The following TYW1 variants were observed in gnomAD, a reference collection of about 807,000 sequenced individuals.
The protein encoded by TYW1 is tRNA-yW synthesizing protein 1 homolog, also known as S-adenosyl-L-methionine-dependent tRNA 4-demethylwyosine synthase TYW1.
A neutral mutation model predicts 96.2 loss-of-function variants in TYW1; 46 were observed. The observed-to-expected ratio is 0.48, with a 90% CI of 0.38 to 0.61. TYW1 has a LOEUF of 0.61. Among genes scored for constraint, TYW1 ranks in the 20% least tolerant of loss-of-function variants. TYW1 has a pLI of 0.00. For missense variants in TYW1, 684 were observed against 909.6 expected, an observed-to-expected ratio of 0.75 and a Z score of 3.19; for synonymous variants, 274 against 323.0, an observed-to-expected ratio of 0.85 and a Z score of 1.63.
At chr7:67,021,161 C>G (rs1168216386) in intron 6 of TYW1, among the ~76,000 whole-genome samples, 2 of 152,300 alleles carry the variant, frequency 1.3e-5, no homozygotes, top group Non-Finnish European at 2.9e-5. Flanking sequence ...TTATCCTTGT[C>G]TATATTCTTG....
chr7:67,089,498 G>A, intron 11 of TYW1: 1 of 903,072 alleles, frequency 1.1e-6, no homozygotes, highest in East Asian at 2.6e-5. Context: ...CCTCACTCTG[G>A]CTTGGAGAGT....
intron 15 of TYW1, among the ~76,000 whole-genome samples, chr7:67,196,499 C>T (rs1800397847): frequency 6.6e-6 from 1 of 152,130 alleles, no homozygotes. Context: ...AAGATTATTT[C>T]TAGAAATCAA....
intron 13 of TYW1, among the ~76,000 whole-genome samples, chr7:67,149,324 A>G (rs1311073408): frequency 2.0e-5 from 3 of 152,234 alleles, no homozygotes; most frequent in Non-Finnish European, 4.4e-5. Context: ...AACCTATATT[A>G]GTGCATCTGG....
At chr7:67,086,745 C>T (rs532672455) in intron 11 of TYW1, among the ~76,000 whole-genome samples, 7 of 152,254 alleles carry the variant, frequency 4.6e-5, no homozygotes, top group African/African-American at 1.7e-4. Context: ...GAAAGCCCAG[C>T]AATTTAAATG....
Position 67,142,658 on chromosome 7 carries a change from C to CGT in TYW1, c.1698+25040_1698+25041insGT, listed in dbSNP as rs201421166. On this transcript the variant is annotated intron_variant, in intron 13 of 15. Coordinates refer to ENST00000359626, the MANE Select transcript of TYW1 (RefSeq NM_018264.4). The stretch of plus-strand genomic sequence containing the variant: ...TGTTGGCCAGGCTAGTCTTGAACAA[C>CGT]TGGCCTCAAGTGGTCTGCGCACCTA... Among the ~76,000 whole-genome samples, 473 of 152,280 alleles carry CGT rather than the reference C, an allele frequency of 3.1e-3. 1 individual carries two copies. Among genetic ancestry groups the CGT allele is most frequent in the African/African-American group, 0.011 (437 of 41,588 alleles).
chr7:67,210,869 T>TATCTATCCATCTGTCCATCC (rs796331988), intron 15 of TYW1, among the ~76,000 whole-genome samples: 8 of 150,098 alleles, frequency 5.3e-5, no homozygotes, highest in Admixed American at 5.3e-4. Context: ...TTCTATCATC[T>TATCTATCCATCTGTCCATCC]ATCTATCCAT....
At chr7:67,210,196 C>T (rs1321665652) in intron 15 of TYW1, among the ~76,000 whole-genome samples, 2 of 152,090 alleles carry the variant, frequency 1.3e-5, no homozygotes, top group African/African-American at 4.8e-5. Flanking sequence ...ACCTTGATAG[C>T]TTTGAGGGGT....
In TYW1 at chr7:67,032,885, C is replaced by CTTTTT. The variant is rs778743156; in HGVS notation, c.984+7888_984+7892dup. ...ATTTTCCAGCAGCAGAGAAGTATACCTTTTTTTTTTTTTTTTTTTTTTTTT... is the reference window on the plus strand; with the variant it reads ...ATTTTCCAGCAGCAGAGAAGTATACCTTTTTTTTTTTTTTTTTTTTTTTTTTTTTT... On this transcript the variant is annotated intron_variant, in intron 7 of 15. Transcript: ENST00000359626. Among the ~76,000 whole-genome samples, 17 of 76,278 alleles carry CTTTTT rather than the reference C, an allele frequency of 2.2e-4. 1 individual carries two copies. Among genetic ancestry groups the CTTTTT allele is most frequent in the East Asian group, 1.1e-3 (3 of 2,758 alleles). 50.0% of individuals were successfully genotyped at this position (76,278 alleles called of 152,430 possible).
chr7:67,123,252 C>T, intron 13 of TYW1, among the ~76,000 whole-genome samples: 1 of 152,094 alleles, frequency 6.6e-6, no homozygotes, highest in East Asian at 1.9e-4. Context: ...CGTGGGACCC[C>T]TATCCACAGG....
rs67162571 is a variant in TYW1, at chr7:67,029,382, C to CGTGTGT, written c.984+4389_984+4394dup. 2.6e-3 allele frequency among the ~76,000 whole-genome samples: 280 copies of CGTGTGT among 106,766 alleles called. 6 individuals are homozygous for CGTGTGT. The highest frequency in any genetic ancestry group is 9.1e-3 in the Admixed American group (86 of 9,482). The allele number at this position is 106,766 out of a possible 152,430, so 70.0% of individuals were successfully genotyped here. A position where few individuals can be genotyped will look rare whatever the true frequency, so the allele number is the denominator to read the frequency against. On this transcript the variant is annotated intron_variant, in intron 7 of 15. Transcript: ENST00000359626. The stretch of plus-strand genomic sequence containing the variant: ...AAACTTAGTTAAATATGTGTGTGTG[C>CGTGTGT]GTGTGTGTGTGTGTGTGTGTGTGTG...
intron 1 of TYW1, 36 bp downstream of exon 1, chr7:66,997,018 C>T (rs745814024): frequency 1.9e-6 from 3 of 1,613,508 alleles, no homozygotes; most frequent in East Asian, 2.2e-5. Context: ...CCTGGGGCGG[C>T]AGGGGAGGTA....
rs374689828 is a variant in TYW1 at position 66,998,192 on chromosome 7, G to A, written c.132G>A (p.Thr44=). 31 of 1,601,502 alleles carry A rather than the reference G, an allele frequency of 1.9e-5. No homozygotes were observed. Among genetic ancestry groups the A allele is most frequent in the African/African-American group, 8.2e-5 (6 of 73,196 alleles). ...TTTGTGTCCAGATTGTCATCAAGAC[G>A]CAGGTAAGTGGAGTTATTTTTTTTT... The part of the protein sequence containing the change: ...LWICVQIVIK[T]QGKNLQEKSV... The change falls in exon 2 of 16, where the codon ACG becomes ACA. Residue 44 remains threonine (T), a synonymous_variant. Coordinates refer to ENST00000359626, the MANE Select transcript of TYW1 (RefSeq NM_018264.4).
intron 12 of TYW1, among the ~76,000 whole-genome samples, chr7:67,105,446 C>A (rs938051981): frequency 6.6e-6 from 1 of 152,208 alleles, no homozygotes; most frequent in Non-Finnish European, 1.5e-5. Context: ...GTAGGTTTTG[C>A]TTTTCCTACA....
intron 3 of TYW1, among the ~76,000 whole-genome samples, chr7:67,007,223 C>T (rs1276676050): frequency 6.6e-6 from 1 of 151,984 alleles, no homozygotes; most frequent in Non-Finnish European, 1.5e-5. Flanking sequence ...TAGGGTGTAA[C>T]CAATTGGAAG....
At chr7:67,117,779 T>A (rs1266779380) in intron 13 of TYW1, among the ~76,000 whole-genome samples, 161 bp downstream of exon 13, 1 of 152,262 alleles carries the variant, frequency 6.6e-6, no homozygotes, top group Non-Finnish European at 1.5e-5. Flanking sequence ...AGAGACTTCC[T>A]TCTTCAAGGA....
intron 15 of TYW1, among the ~76,000 whole-genome samples, chr7:67,217,614 C>T (rs1189808705): frequency 6.6e-6 from 1 of 152,002 alleles, no homozygotes; most frequent in Non-Finnish European, 1.5e-5. Flanking sequence ...ACATGTCTGT[C>T]TTTATGCCAG....
At chr7:66,998,501 C>T (rs984789033) in intron 2 of TYW1, among the ~76,000 whole-genome samples, 9 of 152,130 alleles carry the variant, frequency 5.9e-5, no homozygotes, top group Non-Finnish European at 8.8e-5. Context: ...CCTCTCTTTC[C>T]ATTAATTAAG....
intron 12 of TYW1, 52 bp from the exon 13 acceptor site, chr7:67,117,431 G>A (rs1797628032): frequency 1.3e-6 from 2 of 1,574,350 alleles, no homozygotes; most frequent in African/African-American, 1.4e-5. Flanking sequence ...ATCATGGAAA[G>A]CCTGATAGAG....
At chr7:67,027,615 A>G (rs1308353661) in intron 7 of TYW1, among the ~76,000 whole-genome samples, 6 of 152,194 alleles carry the variant, frequency 3.9e-5, no homozygotes, top group Non-Finnish European at 8.8e-5. Context: ...TAATCTTTTT[A>G]CTATGCAATG....
Sources: gnomAD v4.1 joint callset for allele counts (sites outside exome capture counted in the v4.1 genomes callset) on GRCh38, gnomAD v4.1.1 for gene constraint, MANE v1.5 for transcripts, NCBI Gene and HGNC (gene_info 2026-07-23, HGNC 2026-07-21) for gene names.